SPP2: variants seen among roughly 807,000 people sequenced by gnomAD.
The protein encoded by SPP2 is secreted phosphoprotein 2.
Under a neutral mutation model 28.8 loss-of-function variants are expected in SPP2, and 34 were observed. The observed-to-expected ratio is 1.18, with a 90% CI of 0.90 to 1.57. The LOEUF is 1.57. Among genes scored for constraint, SPP2 ranks in the 40% most tolerant of loss-of-function variants. The pLI, the probability that SPP2 is intolerant of heterozygous loss-of-function variation, is 0.00. For missense variants in SPP2, 269 were observed against 263.9 expected, an observed-to-expected ratio of 1.02 and a Z score of -0.13; for synonymous variants, 96 against 89.4, an observed-to-expected ratio of 1.07 and a Z score of -0.42.
intron 5 of SPP2, among the ~76,000 whole-genome samples, chr2:234,066,996 G>C (rs1170872412): frequency 6.6e-6 from 1 of 152,186 alleles, no homozygotes; most frequent in Non-Finnish European, 1.5e-5. Flanking sequence ...GGGAGGAAGG[G>C]CTCTCCTTCT....
chr2:234,056,310 A>T (rs911260040), intron 2 of SPP2: 1 of 152,242 alleles, frequency 6.6e-6, no homozygotes, highest in African/African-American at 2.4e-5. Context: ...CAAAAGACAC[A>T]TGAAAAAATG....
At chr2:234,071,171 C>T (rs1296751914) in intron 7 of SPP2, among the ~76,000 whole-genome samples, 4 of 152,202 alleles carry the variant, frequency 2.6e-5, no homozygotes, top group African/African-American at 9.7e-5. Context: ...TGCTCCATCA[C>T]TTCACTACCA....
chr2:234,070,594 T>C (rs1279104852), intron 7 of SPP2, among the ~76,000 whole-genome samples: 1 of 152,186 alleles, frequency 6.6e-6, no homozygotes, highest in Non-Finnish European at 1.5e-5. Flanking sequence ...CTCTAGTAGC[T>C]GGGATTACAG....
chr2:234,059,594 T>G (rs1374755305), intron 3 of SPP2, among the ~76,000 whole-genome samples: 1 of 150,904 alleles, frequency 6.6e-6, no homozygotes, highest in Non-Finnish European at 1.5e-5. Flanking sequence ...ACAAACAGAA[T>G]GCATGTCTTG....
At chr2:234,055,132 T>G (rs1202481462) in intron 2 of SPP2, among the ~76,000 whole-genome samples, 1 of 138,052 alleles carries the variant, frequency 7.2e-6, no homozygotes, top group Non-Finnish European at 1.6e-5. Context: ...AATGGATGCA[T>G]ATGAATATAT....
intron 2 of SPP2, among the ~76,000 whole-genome samples, chr2:234,053,363 G>A (rs1038997153): frequency 6.6e-6 from 1 of 152,198 alleles, no homozygotes; most frequent in Non-Finnish European, 1.5e-5. Context: ...TTAGTCATGA[G>A]TATTTGGGGG....
chr2:234,070,533 C>G (rs1157318749), intron 7 of SPP2, among the ~76,000 whole-genome samples: 1 of 152,224 alleles, frequency 6.6e-6, no homozygotes, highest in African/African-American at 2.4e-5. Context: ...ATGATCTTGG[C>G]TCACTGCAAC....
chr2:234,053,519 C>T (rs986600762), intron 2 of SPP2, among the ~76,000 whole-genome samples: 8 of 151,464 alleles, frequency 5.3e-5, no homozygotes, highest in East Asian at 2.0e-4. Context: ...GAGGGATGAT[C>T]GACTCCTTAA....
chr2:234,063,532 A>C (rs181646680), intron 4 of SPP2, among the ~76,000 whole-genome samples: 15 of 152,356 alleles, frequency 9.8e-5, no homozygotes, highest in Middle Eastern at 3.4e-3. Flanking sequence ...TAAATTTCTA[A>C]ATTTGCAAAT....
At chr2:234,069,857 G>A in intron 6 of SPP2, 71 bp from the exon 7 acceptor site, 2 of 1,231,620 alleles carry the variant, frequency 1.6e-6, no homozygotes, top group Non-Finnish European at 2.4e-6. Flanking sequence ...TTAATTTGTA[G>A]TAACATTGTC....
chr2:234,051,200 T>G, intron 2 of SPP2, 105 bp downstream of exon 2: 1 of 1,393,324 alleles, frequency 7.2e-7, no homozygotes, highest in Non-Finnish European at 9.8e-7. Context: ...TTAAAAATGA[T>G]AGTAGCTAGT....
intron 7 of SPP2, among the ~76,000 whole-genome samples, chr2:234,073,983 T>G (rs1315217322): frequency 1.3e-5 from 2 of 152,166 alleles, no homozygotes; most frequent in Non-Finnish European, 2.9e-5. Flanking sequence ...TGGGCCTGTG[T>G]TTGGACCCAT....
intron 6 of SPP2, among the ~76,000 whole-genome samples, chr2:234,068,459 C>T (rs577843315): frequency 1.3e-5 from 2 of 152,302 alleles, no homozygotes; most frequent in South Asian, 4.1e-4. Context: ...CAGCATTCCC[C>T]ATTAAAATGA....
At chr2:234,060,022 T>C (rs1464063089) in intron 3 of SPP2, among the ~76,000 whole-genome samples, 1 of 152,200 alleles carries the variant, frequency 6.6e-6, no homozygotes, top group Non-Finnish European at 1.5e-5. Context: ...CTATTTCTAA[T>C]GAAATCTGAG....
chr2:234,053,996 T>C (rs894504464), intron 2 of SPP2, among the ~76,000 whole-genome samples: 13 of 152,156 alleles, frequency 8.5e-5, no homozygotes, highest in Non-Finnish European at 1.6e-4. Context: ...TTTCCAATAG[T>C]GGAGAGTACC....
At chr2:234,058,736 A>G (rs1034689370) in intron 2 of SPP2, 100 bp from the exon 3 acceptor site, 5 of 1,357,128 alleles carry the variant, frequency 3.7e-6, no homozygotes, top group Non-Finnish European at 4.0e-6. Flanking sequence ...CATGGTGGAC[A>G]ATTCTGTAAT....
intron 7 of SPP2, among the ~76,000 whole-genome samples, chr2:234,072,962 A>G (rs1047363127): frequency 2.0e-5 from 3 of 152,158 alleles, no homozygotes; most frequent in African/African-American, 7.2e-5. Flanking sequence ...ATCTCTGCTC[A>G]CTGAAAACTC....
intron 2 of SPP2, among the ~76,000 whole-genome samples, chr2:234,058,195 G>A (rs538396859): frequency 6.6e-6 from 1 of 152,250 alleles, no homozygotes; most frequent in East Asian, 1.9e-4. Flanking sequence ...TATTTTCCAT[G>A]TCAGCTGCAT....
chr2:234,062,020 T>C (rs1370141586), intron 4 of SPP2, among the ~76,000 whole-genome samples: 1 of 152,240 alleles, frequency 6.6e-6, no homozygotes, highest in African/African-American at 2.4e-5. Context: ...GTGGCCCCGC[T>C]AACCAGAAAT....
Sources: gnomAD v4.1 joint callset for allele counts (sites outside exome capture counted in the v4.1 genomes callset) on GRCh38, gnomAD v4.1.1 for gene constraint, MANE v1.5 for transcripts, NCBI Gene and HGNC (gene_info 2026-07-23, HGNC 2026-07-21) for gene names.